Variants in DPP8 observed in about 807,000 individuals in gnomAD.
DPP8 encodes the protein DPP VIII.
A neutral mutation model predicts 107.5 loss-of-function variants in DPP8; 31 were observed. The observed-to-expected ratio is 0.29, with a 90% CI of 0.22 to 0.39. The LOEUF (loss-of-function observed/expected upper bound fraction) is 0.39, where lower values mean the gene tolerates loss of function less well. Ranked by LOEUF, DPP8 falls within the 10% of genes least tolerant of loss-of-function variation. The pLI, the probability that DPP8 is intolerant of heterozygous loss-of-function variation, is 1.00. For missense variants in DPP8, 842 were observed against 1,076.1 expected (o/e 0.78, Z 3.04); for synonymous variants, 381 against 356.6 (o/e 1.07, Z -0.77).
At chr15:65,513,077 C>A (rs1168855537) in intron 1 of DPP8, among the ~76,000 whole-genome samples, 1 of 152,178 alleles carries the variant, frequency 6.6e-6, no homozygotes, top group East Asian at 1.9e-4. Flanking sequence ...CATGTAATAA[C>A]CTTCCTAGGG....
intron 19 of DPP8, among the ~76,000 whole-genome samples, chr15:65,448,867 TATATATATATATATATATA>T (rs2063713099): frequency 1.8e-4 from 1 of 5,474 alleles, no homozygotes; most frequent in Non-Finnish European, 3.2e-4. Flanking sequence ...ATATCTAAAA[TATATATATATATATATATA>T]TATATATATA....
intron 8 of DPP8, among the ~76,000 whole-genome samples, chr15:65,481,873 C>T (rs1177707863): frequency 1.3e-5 from 2 of 152,050 alleles, no homozygotes; most frequent in Non-Finnish European, 2.9e-5. Context: ...ACTAACAGAA[C>T]ACTTGATAAT....
intron 9 of DPP8, among the ~76,000 whole-genome samples, chr15:65,481,105 C>T (rs1369782440): frequency 6.6e-6 from 1 of 151,992 alleles, no homozygotes; most frequent in Non-Finnish European, 1.5e-5. Context: ...AGTTTTCTCC[C>T]TTTAGTATCA....
chr15:65,480,133 A>C lies in DPP8; in HGVS notation c.1296+89T>G. 6.8e-6 allele frequency: 8 copies of C among 1,182,976 alleles called. No individual in the cohort carries two copies. In the South Asian group the frequency reaches 1.3e-4, roughly 19 times the overall value. 73.3% of individuals were successfully genotyped at this position (1,182,976 alleles called of 1,614,324 possible). ...TAACATGGTCCCTTTAAACTTAAAA[A>C]AAAATGCATTTTGATAGTTTGCTAT... On this transcript the variant is annotated intron_variant, in intron 10 of 19. Transcript: ENST00000300141.
intron 3 of DPP8, chr15:65,502,929 A>C (rs1027695887): frequency 1.3e-5 from 2 of 152,176 alleles, no homozygotes; most frequent in African/African-American, 4.8e-5. Context: ...TGTTCAAAGA[A>C]AGTAAAGATC....
chr15:65,472,010 TC>T (rs2065939723), intron 12 of DPP8, among the ~76,000 whole-genome samples: 1 of 152,180 alleles, frequency 6.6e-6, no homozygotes, highest in Non-Finnish European at 1.5e-5. Context: ...AGGATGGAGT[TC>T]CTAGAGATCT....
At chr15:65,476,991 TACATTC>T (rs2066448683) in intron 11 of DPP8, among the ~76,000 whole-genome samples, 1 of 152,132 alleles carries the variant, frequency 6.6e-6, no homozygotes, top group African/African-American at 2.4e-5. Context: ...CTAGAGTAGT[TACATTC>T]ACAGAGACAA....
chr15:65,515,825 T>C, intron 1 of DPP8: 1 of 832,436 alleles, frequency 1.2e-6, no homozygotes, highest in Non-Finnish European at 1.9e-6. Flanking sequence ...AGATAAGACT[T>C]TGATCATTAA....
At chr15:65,456,435 G>C (rs545966082) in intron 15 of DPP8, 64 bp from the exon 16 acceptor site, 1 of 1,477,382 alleles carries the variant, frequency 6.8e-7, no homozygotes, top group Admixed American at 2.2e-5. Flanking sequence ...GAGCGGCTGG[G>C]CATTGCAAGA....
Position 65,446,940 on chromosome 15 carries a change from A to G in DPP8, c.2593T>C (p.Leu865=). Residue 865 remains leucine (L), a synonymous_variant, in exon 20 of 20, where the codon TTG becomes CTG. Coordinates refer to ENST00000300141, the MANE Select transcript of DPP8 (RefSeq NM_130434.5). ...ESGEHYELHL[L]HYLQENLGSR... ...CCAAGGTTTTCTTGAAGGTAGTGCA[A>G]AAGATGCAGTTCATAATGTTCTCCC... The G allele has an allele frequency of 6.2e-7, 1 of 1,613,262 alleles. No homozygotes were observed. The highest frequency in any genetic ancestry group is 8.5e-7 in the Non-Finnish European group (1 of 1,179,474).
At chr15:65,499,244 T>G (rs561299303) in intron 4 of DPP8, among the ~76,000 whole-genome samples, 1 of 151,682 alleles carries the variant, frequency 6.6e-6, no homozygotes, top group African/African-American at 2.4e-5. Flanking sequence ...TTTTTTTTTC[T>G]CTCTCTCTTA....
At position 65,512,676 on chromosome 15, in the gene DPP8, GCT is replaced by G. The variant is rs536820692; in HGVS notation, c.-11-114_-11-113del. On this transcript the variant is annotated intron_variant, in intron 1 of 19. Transcript: ENST00000300141. ...GGAGTGGGGAGGGCAAGAAAAAAAT[GCT>G]TTTTAGCACAGCTGCAATGAAACTT... 4.6e-4 allele frequency: 499 copies of G among 1,094,442 alleles called. 4 individuals carry two copies. The highest frequency in any genetic ancestry group is 4.5e-3 in the South Asian group (300 of 66,032). 67.8% of individuals were successfully genotyped at this position (1,094,442 alleles called of 1,614,324 possible).
At chr15:65,497,052 G>A (rs2068677275) in intron 5 of DPP8, among the ~76,000 whole-genome samples, 1 of 151,942 alleles carries the variant, frequency 6.6e-6, no homozygotes, top group Non-Finnish European at 1.5e-5. Flanking sequence ...CACCATTCCG[G>A]CTAATTTTTG....
At chr15:65,476,298 A>T (rs1026865762) in intron 11 of DPP8, among the ~76,000 whole-genome samples, 2 of 152,190 alleles carry the variant, frequency 1.3e-5, no homozygotes, top group African/African-American at 4.8e-5. Flanking sequence ...AGTACTTTAA[A>T]TACTATAGAC....
At chr15:65,453,467 C>A (rs1348404077) in intron 17 of DPP8, among the ~76,000 whole-genome samples, 2 of 151,808 alleles carry the variant, frequency 1.3e-5, no homozygotes, top group African/African-American at 2.4e-5. Flanking sequence ...ATATATATAT[C>A]TACACACATA....
chr15:65,510,081 A>T (rs1424106630), intron 2 of DPP8, among the ~76,000 whole-genome samples: 1 of 152,128 alleles, frequency 6.6e-6, no homozygotes, highest in Admixed American at 6.6e-5. Context: ...ATCCTAGCTG[A>T]GGCAGGCAGA....
chr15:65,494,149 CT>C (rs542314824), intron 5 of DPP8, among the ~76,000 whole-genome samples: 20 of 123,252 alleles, frequency 1.6e-4, no homozygotes, highest in South Asian at 4.7e-4. Context: ...GTTCTATATC[CT>C]TTTTTTTTTT....
intron 19 of DPP8, among the ~76,000 whole-genome samples, chr15:65,450,519 T>C (rs944267647): frequency 6.6e-6 from 1 of 152,134 alleles, no homozygotes; most frequent in Non-Finnish European, 1.5e-5. Flanking sequence ...TAAAACACAG[T>C]TTTAAGAAAA....
intron 3 of DPP8, among the ~76,000 whole-genome samples, chr15:65,505,676 T>C (rs943486346): frequency 6.6e-6 from 1 of 151,890 alleles, no homozygotes; most frequent in Non-Finnish European, 1.5e-5. Flanking sequence ...TGTGGCCAGG[T>C]GCAGTGGCTC....
Sources: allele counts gnomAD v4.1 joint callset (sites outside exome capture counted in the v4.1 genomes callset), GRCh38; gene constraint gnomAD v4.1.1; transcripts MANE v1.5; gene names NCBI Gene and HGNC (gene_info 2026-07-23, HGNC 2026-07-21).